The following MGAM variants were observed in gnomAD, a reference collection of about 807,000 sequenced individuals.
MGAM encodes alpha-1,4-glucosidase.
In MGAM, 253 loss-of-function variants were observed where a neutral mutation model predicts 358.8. The observed-to-expected ratio is 0.71, with a 90% CI of 0.64 to 0.78. The LOEUF (loss-of-function observed/expected upper bound fraction) is 0.78. MGAM is among the 30% of genes least tolerant of loss of function. MGAM has a pLI of 0.00. For missense variants in MGAM, 3,080 were observed against 3,432.6 expected (o/e 0.90, Z 2.57); for synonymous variants, 1,105 against 1,227.1 (o/e 0.90, Z 2.08).
intron 13 of MGAM, among the ~76,000 whole-genome samples, chr7:142,032,453 C>G (rs185701782): frequency 6.6e-6 from 1 of 152,170 alleles, no homozygotes; most frequent in African/African-American, 2.4e-5. Context: ...TGCTCTCTCT[C>G]TCCTTTTCTC....
rs1406488872 is a variant in MGAM, at chr7:142,041,909, A to ATG, written c.2498+1064_2498+1065insGT. Reference sequence around the variant, plus strand: ...GTATAATATATAATATATATATTATATATATACGTATAATATATAATATAT... The same window carrying ATG: ...GTATAATATATAATATATATATTATATGTATATACGTATAATATATAATATAT... On this transcript the variant is annotated intron_variant, in intron 21 of 70. Coordinates refer to ENST00000475668, the MANE Select transcript of MGAM (RefSeq NM_001365693.1). Among the ~76,000 whole-genome samples the ATG allele has an allele frequency of 1.9e-4, 7 of 37,786 alleles. 1 individual carries two copies. The highest frequency in any genetic ancestry group is 1.0e-3 in the African/African-American group (5 of 4,910). 24.8% of individuals were successfully genotyped at this position (37,786 alleles called of 152,430 possible).
chr7:142,055,849 A>G (rs1811469118), intron 28 of MGAM, 123 bp downstream of exon 28: 20 of 1,491,354 alleles, frequency 1.3e-5, no homozygotes, highest in Non-Finnish European at 1.7e-5. Flanking sequence ...AAGTGGGCCA[A>G]TTCTCAGGCT....
At position 142,100,848 on chromosome 7, in the gene MGAM, A is replaced by G; in HGVS notation, c.7921A>G (p.Thr2641Ala). The change falls in exon 68 of 71, where the codon ACT becomes GCT. Residue 2641 changes from threonine to alanine, a missense_variant. This residue lies in a region of MGAM where 194 missense variants were observed against 172.8 expected (regional missense o/e 1.12). Coordinates refer to ENST00000475668, the MANE Select transcript of MGAM (RefSeq NM_001365693.1). ...CAAAATTGCCTTGGATGATGAAGGAACTGCTGGGGGCTGGCTCTTCTGGGA... is the reference window on the plus strand; with the variant it reads ...CAAAATTGCCTTGGATGATGAAGGAGCTGCTGGGGGCTGGCTCTTCTGGGA... Reference protein sequence around the residue: ...GFKIALDDEGTAGGWLFWDDG... With the variant: ...GFKIALDDEGAAGGWLFWDDG... 5 of 1,613,350 alleles carry G rather than the reference A, an allele frequency of 3.1e-6. No individual in the cohort carries two copies. Among genetic ancestry groups the G allele is most frequent in the Non-Finnish European group, 4.2e-6 (5 of 1,179,686 alleles).
At position 142,062,569 on chromosome 7, in the gene MGAM, T is replaced by C. The variant is rs1475552510; in HGVS notation, c.4124T>C (p.Leu1375Pro). 2.4e-5 allele frequency: 38 copies of C among 1,575,426 alleles called. No individual in the cohort carries two copies. The highest frequency in any genetic ancestry group is 3.2e-5 in the Non-Finnish European group (37 of 1,163,232). ...GSLDWDSQVE[L>P]YRAYVAFPDF... is the part of the protein sequence containing the mutation. ...AGAAATTATATTTCTTTTTTATAGC[T>C]ATATCGAGCTTATGTGGCCTTCCCA... is the stretch of plus-strand genomic sequence containing the variant. The change falls in exon 35 of 71, where the codon CTA (leucine) becomes CCA (proline). Residue 1375 changes from leucine to proline, a missense_variant and splice_region_variant. Leu to Pro is a moderately conservative substitution (Grantham distance 98). Coordinates refer to ENST00000475668, the MANE Select transcript of MGAM (RefSeq NM_001365693.1).
intron 34 of MGAM, among the ~76,000 whole-genome samples, chr7:142,061,134 C>G (rs1243409145): frequency 6.6e-6 from 1 of 152,134 alleles, no homozygotes; most frequent in Non-Finnish European, 1.5e-5. Flanking sequence ...AAAGCCAGCA[C>G]CTTGGAGAAC....
chr7:142,050,470 T>C (rs1006455813), intron 23 of MGAM, among the ~76,000 whole-genome samples, 186 bp downstream of exon 23: 1 of 152,244 alleles, frequency 6.6e-6, no homozygotes, highest in African/African-American at 2.4e-5. Flanking sequence ...ATATAGCAGC[T>C]AGTGTTTCTG....
chr7:142,092,662 C>T, intron 59 of MGAM, 54 bp downstream of exon 59: 2 of 1,437,318 alleles, frequency 1.4e-6, no homozygotes, highest in Non-Finnish European at 1.9e-6. Context: ...AGAAGGATTA[C>T]ACTGGAGGAG....
rs541425081 is a variant in MGAM, at chr7:142,094,853, T to C, written c.7448T>C (p.Ile2483Thr). The change falls in exon 63 of 71, where the codon ATT (isoleucine) becomes ACT (threonine). Residue 2483 changes from isoleucine (I) to threonine (T), a missense_variant. Transcript: ENST00000475668. ...FYPFSRNHNT[I>T]GTRRQDPVSW... is the part of the protein sequence containing the mutation. Reference sequence around the variant, plus strand: ...CCCTTCTCAAGAAACCACAACACCATTGGGACCAGGGTAGGACAGTGGCCC... The same window carrying C: ...CCCTTCTCAAGAAACCACAACACCACTGGGACCAGGGTAGGACAGTGGCCC... 145 of 1,613,926 alleles carry C rather than the reference T, an allele frequency of 9.0e-5. 1 individual carries two copies. In the South Asian group the frequency reaches 9.9e-4, roughly 11 times the overall value.
intron 7 of MGAM, among the ~76,000 whole-genome samples, chr7:142,023,405 G>A (rs1222813813): frequency 1.3e-5 from 2 of 151,674 alleles, no homozygotes; most frequent in East Asian, 1.9e-4. Context: ...TGGAAGAAAG[G>A]AGATTACAGC....
At chr7:142,002,692 C>T (rs1389468694) in intron 1 of MGAM, among the ~76,000 whole-genome samples, 1 of 151,978 alleles carries the variant, frequency 6.6e-6, no homozygotes, top group East Asian at 1.9e-4. Flanking sequence ...TGCCCATTGT[C>T]ACCACTCATA....
intron 65 of MGAM, 53 bp from the exon 66 acceptor site, chr7:142,097,540 C>A (rs987745990): frequency 4.5e-6 from 7 of 1,552,794 alleles, no homozygotes; most frequent in Middle Eastern, 1.7e-4. Flanking sequence ...ATTTTGGTTT[C>A]TCTGTCCTGG....
rs377095089 is a variant in MGAM, at chr7:142,078,252, A to C, written c.5494-66A>C. On this transcript the variant is annotated intron_variant, in intron 47 of 70. Coordinates refer to ENST00000475668, the MANE Select transcript of MGAM (RefSeq NM_001365693.1). The stretch of plus-strand genomic sequence containing the variant: ...TTTTCCAAAATAAATAAATAAATAA[A>C]GTCTTAGATTTTGCAAGGCCTTTCT... 6.7e-5 allele frequency: 79 copies of C among 1,172,512 alleles called. 10 individuals are homozygous for C. In the South Asian group the frequency reaches 1.2e-3, roughly 17 times the overall value. 72.6% of individuals were successfully genotyped at this position (1,172,512 alleles called of 1,614,324 possible). A position where few individuals can be genotyped will look rare whatever the true frequency, so the allele number is the denominator to read the frequency against.
chr7:142,050,351 G>C (rs1810826666), intron 23 of MGAM, 67 bp downstream of exon 23: 1 of 1,491,174 alleles, frequency 6.7e-7, no homozygotes, highest in African/African-American at 1.4e-5. Flanking sequence ...ATCTGTGCTT[G>C]TGTATATTGT....
chr7:142,016,662 G>A (rs1377010531), intron 3 of MGAM, among the ~76,000 whole-genome samples: 1 of 152,070 alleles, frequency 6.6e-6, no homozygotes, highest in Non-Finnish European at 1.5e-5. Flanking sequence ...GCACAATCTC[G>A]GCTCGCTGCA....
chr7:142,045,009 T>G (rs1563155764), intron 21 of MGAM, among the ~76,000 whole-genome samples: 1 of 105,410 alleles, frequency 9.5e-6, no homozygotes, highest in African/African-American at 3.5e-5. Flanking sequence ...TAATATATGA[T>G]ATATAATATG....
At position 142,065,950 on chromosome 7, in the gene MGAM, TTTG is replaced by T. The variant is rs1405845003; in HGVS notation, c.4770+122_4770+124del. 19 of 751,642 alleles carry T rather than the reference TTTG, an allele frequency of 2.5e-5. 1 individual carries two copies. Among genetic ancestry groups the T allele is most frequent in the Admixed American group, 3.5e-5 (1 of 28,574 alleles). The allele number at this position is 751,642 out of a possible 1,614,324, so 46.6% of individuals were successfully genotyped here. ...ATATCTTTAAAAAAAGGTGTTTTTT[TTTG>T]TTTTGTTTTGTTTTGTTTTTTTTTT... is the stretch of plus-strand genomic sequence containing the variant. On this transcript the variant is annotated intron_variant, in intron 40 of 70. Coordinates refer to ENST00000475668, the MANE Select transcript of MGAM (RefSeq NM_001365693.1).
chr7:142,037,474 CTAATT>C (rs1808096590), intron 18 of MGAM, among the ~76,000 whole-genome samples: 1 of 152,128 alleles, frequency 6.6e-6, no homozygotes, highest in Non-Finnish European at 1.5e-5. Context: ...ATGAACATCT[CTAATT>C]TAATTCTAAA....
At position 142,099,695 on chromosome 7, in the gene MGAM, A is replaced by G. The variant is rs1816279476; in HGVS notation, c.7832A>G (p.Tyr2611Cys). The change falls in exon 67 of 71, where the codon TAC (tyrosine) becomes TGC (cysteine). Residue 2611 changes from tyrosine to cysteine, a missense_variant. Tyr to Cys is a radical substitution (Grantham distance 194). Transcript: ENST00000475668. ...ATTAATCTTCATGTCCGTGGGGGCTACATCCTGCCCTGGCAAGAGCCTGCA... is the reference window on the plus strand; with the variant it reads ...ATTAATCTTCATGTCCGTGGGGGCTGCATCCTGCCCTGGCAAGAGCCTGCA... ...DHINLHVRGG[Y>C]ILPWQEPALN... 2 of 1,613,894 alleles carry G rather than the reference A, an allele frequency of 1.2e-6. No individual in the cohort carries two copies. The highest frequency in any genetic ancestry group is 1.3e-5 in the African/African-American group (1 of 74,942).
chr7:142,016,130 ACTTT>A (rs1393961389), intron 3 of MGAM, among the ~76,000 whole-genome samples: 1 of 152,114 alleles, frequency 6.6e-6, no homozygotes, highest in African/African-American at 2.4e-5. Flanking sequence ...GACATAAAGT[ACTTT>A]CTTTGTTTCT....
Sources: allele counts gnomAD v4.1 joint callset (sites outside exome capture counted in the v4.1 genomes callset), GRCh38; gene constraint gnomAD v4.1.1; regional missense constraint gnomAD v4.1.1; transcripts MANE v1.5; gene names NCBI Gene and HGNC (gene_info 2026-07-23, HGNC 2026-07-21).